BBS9: variants seen among roughly 807,000 people sequenced by gnomAD.
BBS9 encodes protein PTHB1.
In BBS9, 89 loss-of-function variants were observed where a neutral mutation model predicts 117.7. The observed-to-expected ratio is 0.76, with a 90% CI of 0.64 to 0.90. The LOEUF is 0.90. BBS9 is among the 40% of genes least tolerant of loss of function. The pLI is 0.00. For missense variants in BBS9, 982 were observed against 1,042.2 expected, an observed-to-expected ratio of 0.94 and a Z score of 0.80; for synonymous variants, 379 against 370.9, an observed-to-expected ratio of 1.02 and a Z score of -0.25.
At chr7:33,604,704 A>G (rs1864313741) in intron 21 of BBS9, among the ~76,000 whole-genome samples, 161 bp from the exon 22 acceptor site, 1 of 152,190 alleles carries the variant, frequency 6.6e-6, no homozygotes, top group Non-Finnish European at 1.5e-5. Flanking sequence ...ATTCTCACCA[A>G]AAAGAAACAT....
chr7:33,330,008 A>G (rs1179142826), intron 9 of BBS9, among the ~76,000 whole-genome samples: 1 of 151,764 alleles, frequency 6.6e-6, no homozygotes, highest in Non-Finnish European at 1.5e-5. Context: ...TAGATTTAAC[A>G]TATAAAATTG....
chr7:33,447,825 C>T (rs1837216334), intron 19 of BBS9, among the ~76,000 whole-genome samples: 1 of 152,062 alleles, frequency 6.6e-6, no homozygotes, highest in Non-Finnish European at 1.5e-5. Context: ...AGAATTAGAG[C>T]TGATTTCAAT....
chr7:33,223,704 A>G (rs1193404303), intron 5 of BBS9, among the ~76,000 whole-genome samples: 1 of 150,858 alleles, frequency 6.6e-6, no homozygotes, highest in African/African-American at 2.4e-5. Context: ...TCACTAGATT[A>G]TGAGTTACTT....
At chr7:33,387,905 T>G in intron 18 of BBS9, 87 bp from the exon 19 acceptor site, 3 of 1,441,422 alleles carry the variant, frequency 2.1e-6, no homozygotes, top group Non-Finnish European at 1.9e-6. Context: ...CATTACTCTT[T>G]TACTTTTATT....
chr7:33,264,265 A>G (rs771361000), intron 6 of BBS9, 25 bp from the exon 7 acceptor site: 3 of 1,284,028 alleles, frequency 2.3e-6, no homozygotes, highest in Non-Finnish European at 3.2e-6. Context: ...ACTCATTTAT[A>G]ATTTTTTAAA....
At chr7:33,222,610 A>G (rs1790457668) in intron 5 of BBS9, among the ~76,000 whole-genome samples, 1 of 151,936 alleles carries the variant, frequency 6.6e-6, no homozygotes, top group Admixed American at 6.6e-5. Context: ...CTTTAGAGTA[A>G]TATTTTCAAA....
At chr7:33,373,440 A>G (rs1315084649) in intron 17 of BBS9, among the ~76,000 whole-genome samples, 1 of 152,176 alleles carries the variant, frequency 6.6e-6, no homozygotes, top group African/African-American at 2.4e-5. Flanking sequence ...ACAAATTGCA[A>G]ATACAGGTCA....
chr7:33,401,132 A>G (rs1459722737), intron 19 of BBS9, among the ~76,000 whole-genome samples: 1 of 151,778 alleles, frequency 6.6e-6, no homozygotes, highest in African/African-American at 2.4e-5. Flanking sequence ...TCCCCACTTT[A>G]CTCCACCCCA....
At chr7:33,403,005 CT>C (rs138743157) in intron 19 of BBS9, among the ~76,000 whole-genome samples, 3,885 of 152,210 alleles carry the variant, frequency 0.026, 170 homozygotes, top group African/African-American at 0.089. Context: ...ATCCATGTTG[CT>C]GCAAAGATAT....
chr7:33,436,522 T>C (rs1447564520), intron 19 of BBS9, among the ~76,000 whole-genome samples: 1 of 152,216 alleles, frequency 6.6e-6, no homozygotes, highest in African/African-American at 2.4e-5. Context: ...AAACTCATAT[T>C]AGAAATAATG....
At chr7:33,430,810 C>T (rs1004154244) in intron 19 of BBS9, among the ~76,000 whole-genome samples, 1 of 152,162 alleles carries the variant, frequency 6.6e-6, no homozygotes, top group East Asian at 1.9e-4. Flanking sequence ...CCCTTGTTGG[C>T]TGTTTGCACA....
chr7:33,156,082 C>G (rs1397201191), intron 4 of BBS9, among the ~76,000 whole-genome samples: 1 of 152,114 alleles, frequency 6.6e-6, no homozygotes. Context: ...GTTTGAAGTA[C>G]ATTTTCTTTG....
chr7:33,552,989 T>C (rs1854682866), intron 21 of BBS9, among the ~76,000 whole-genome samples: 1 of 152,132 alleles, frequency 6.6e-6, no homozygotes, highest in South Asian at 2.1e-4. Flanking sequence ...TCACTTCTAC[T>C]CACCAAGCGT....
At chr7:33,425,745 A>G (rs1833568561) in intron 19 of BBS9, among the ~76,000 whole-genome samples, 1 of 152,202 alleles carries the variant, frequency 6.6e-6, no homozygotes, top group Non-Finnish European at 1.5e-5. Flanking sequence ...AGTTAAGCAG[A>G]GATGCTATTG....
intron 5 of BBS9, among the ~76,000 whole-genome samples, chr7:33,214,965 G>A (rs1408723177): frequency 1.1e-4 from 17 of 152,152 alleles, no homozygotes; most frequent in South Asian, 8.3e-4. Flanking sequence ...AGGCCAAGGC[G>A]GGCGATCACG....
chr7:33,539,955 A>C (rs1852019428), intron 21 of BBS9, among the ~76,000 whole-genome samples: 1 of 152,248 alleles, frequency 6.6e-6, no homozygotes, highest in South Asian at 2.1e-4. Context: ...TGTTAAATGC[A>C]GGAGGATATT....
chr7:33,193,929 A>G (rs1350054814), intron 5 of BBS9, among the ~76,000 whole-genome samples: 1 of 151,796 alleles, frequency 6.6e-6, no homozygotes, highest in Non-Finnish European at 1.5e-5. Context: ...TCCATTCGCC[A>G]CCCCCTACTT....
chr7:33,270,442 C>T (rs1263390062), intron 7 of BBS9, among the ~76,000 whole-genome samples: 1 of 152,120 alleles, frequency 6.6e-6, no homozygotes, highest in Non-Finnish European at 1.5e-5. Flanking sequence ...ATGTCAAAAT[C>T]CAATCCAAGA....
At chr7:33,137,503 C>G (rs1290437456) in intron 1 of BBS9, among the ~76,000 whole-genome samples, 2 of 152,240 alleles carry the variant, frequency 1.3e-5, no homozygotes, top group East Asian at 3.8e-4. Flanking sequence ...CCGCTGCAGC[C>G]AGTGTCTTCG....
Sources: gnomAD v4.1 joint callset for allele counts (sites outside exome capture counted in the v4.1 genomes callset) on GRCh38, gnomAD v4.1.1 for gene constraint, MANE v1.5 for transcripts, NCBI Gene and HGNC (gene_info 2026-07-23, HGNC 2026-07-21) for gene names.